Variants in KLHL14 observed in about 807,000 individuals in gnomAD.
KLHL14 encodes the protein kelch-like protein 14.
A neutral mutation model predicts 64.3 loss-of-function variants in KLHL14; 22 were observed. That is an observed-to-expected ratio of 0.34 (90% CI 0.24 to 0.49). KLHL14 has a LOEUF of 0.49. Among genes scored for constraint, KLHL14 ranks in the 20% least tolerant of loss-of-function variants. The pLI is 0.99. For synonymous variants in KLHL14, 322 were observed against 333.4 expected, an observed-to-expected ratio of 0.97 and a Z score of 0.37; for missense variants, 661 against 789.0, an observed-to-expected ratio of 0.84 and a Z score of 1.94.
intron 3 of KLHL14, 27 bp from the exon 4 acceptor site, chr18:32,695,579 A>G: frequency 6.9e-7 from 1 of 1,445,272 alleles, no homozygotes; most frequent in Non-Finnish European, 9.6e-7. Context: ...AAAAAAAGAC[A>G]TATGAAATTT....
intron 2 of KLHL14, among the ~76,000 whole-genome samples, chr18:32,755,223 C>T (rs2050275892): frequency 1.3e-5 from 2 of 152,132 alleles, no homozygotes; most frequent in African/African-American, 2.4e-5. Context: ...CCAAGGTCAT[C>T]CCCCACTGGA....
intron 3 of KLHL14, among the ~76,000 whole-genome samples, chr18:32,703,433 T>C (rs1215482918): frequency 6.6e-6 from 1 of 152,164 alleles, no homozygotes; most frequent in Non-Finnish European, 1.5e-5. Flanking sequence ...TTGGTAAGGA[T>C]TCTATGGCTT....
intron 3 of KLHL14, among the ~76,000 whole-genome samples, chr18:32,715,125 T>C (rs566714534): frequency 6.6e-6 from 1 of 152,240 alleles, no homozygotes; most frequent in South Asian, 2.1e-4. Context: ...GCTAATATTG[T>C]TAAAGATAGA....
Position 32,770,002 on chromosome 18 carries a change from C to T in KLHL14, c.590G>A (p.Gly197Asp). The T allele has an allele frequency of 1.2e-6, 2 of 1,614,190 alleles. No individual in the cohort carries two copies. The highest frequency in any genetic ancestry group is 1.7e-6 in the Non-Finnish European group (2 of 1,180,036). The change falls in exon 2 of 9, where the codon GGC becomes GAC. Residue 197 changes from glycine to aspartate, a missense_variant. Coordinates refer to ENST00000359358, the MANE Select transcript of KLHL14 (RefSeq NM_020805.3). The surrounding 1 kb of genome is among the most constrained non-coding windows in gnomAD (Gnocchi z 6.7). ...GGCCAGCTTCTTGGTCTCCTCCAGG[C>T]CGTGCAGCGCGGCGATCTTGCACAC... is the stretch of plus-strand genomic sequence containing the variant. ...KQVCKIAALH[G>D]LEETKKLANK...
chr18:32,696,947 T>C (rs186260953), intron 3 of KLHL14, among the ~76,000 whole-genome samples: 1 of 152,322 alleles, frequency 6.6e-6, no homozygotes, highest in African/African-American at 2.4e-5. Flanking sequence ...CTGACTTATT[T>C]ATTTGTACTG....
chr18:32,722,919 C>T (rs1276707875), intron 3 of KLHL14, among the ~76,000 whole-genome samples: 1 of 152,130 alleles, frequency 6.6e-6, no homozygotes, highest in Admixed American at 6.5e-5. Flanking sequence ...CACACCACTG[C>T]ACTCCAGTTT....
In KLHL14 at chr18:32,769,651, G is replaced by A. The variant is rs1321021516; in HGVS notation, c.941C>T (p.Ala314Val). 1 of 1,514,246 alleles carries A rather than the reference G, an allele frequency of 6.6e-7. No individual in the cohort carries two copies. Among genetic ancestry groups the A allele is most frequent in the African/African-American group, 1.4e-5 (1 of 71,000 alleles). The allele number at this position is 1,514,246 out of a possible 1,614,324, so 93.8% of individuals were successfully genotyped here. ...CCTCTTTGTTGTCTCCTACCTGCTG[G>A]CCAGGCTCTGCCTGCAGTGCTGCCT... ...PFRQHCRQSL[A>V]SRIRSNKKML... Residue 314 changes from alanine (A) to valine (V), a missense_variant, in exon 2 of 9, where the codon GCC becomes GTC. Coordinates refer to ENST00000359358, the MANE Select transcript of KLHL14 (RefSeq NM_020805.3).
At chr18:32,713,816 A>G (rs1568071912) in intron 3 of KLHL14, among the ~76,000 whole-genome samples, 1 of 152,120 alleles carries the variant, frequency 6.6e-6, no homozygotes, top group Non-Finnish European at 1.5e-5. Flanking sequence ...CTAATTGTAA[A>G]ACACTTAATT....
At chr18:32,705,369 A>C (rs752567940) in intron 3 of KLHL14, among the ~76,000 whole-genome samples, 2 of 152,248 alleles carry the variant, frequency 1.3e-5, no homozygotes, top group African/African-American at 2.4e-5. Context: ...ATATGTAGCA[A>C]AACATCACAG....
At chr18:32,741,366 G>A (rs2050196409) in intron 3 of KLHL14, among the ~76,000 whole-genome samples, 1 of 152,134 alleles carries the variant, frequency 6.6e-6, no homozygotes, top group Non-Finnish European at 1.5e-5. Context: ...AAGAATCCTG[G>A]GTAGAAGTTT....
Position 32,770,245 on chromosome 18 carries a change from A to G in KLHL14, c.347T>C (p.Leu116Pro), listed in dbSNP as rs769843065. ...GTTGTTGATGGCCCGGGGGCTGGTC[A>G]GCAGCTTGTCGTCGGGGGAGGAAGA... ...TPSSSPDDKL[L>P]TSPRAINNLV... The change falls in exon 2 of 9, where the codon CTG becomes CCG. Residue 116 changes from leucine (L) to proline (P), a missense_variant. Leu to Pro is a moderately conservative substitution (Grantham distance 98). Coordinates refer to ENST00000359358, the MANE Select transcript of KLHL14 (RefSeq NM_020805.3). This position sits in a 1 kb window ranked among gnomAD's most constrained non-coding sequence, Gnocchi z 6.7. 8.8e-6 allele frequency: 14 copies of G among 1,599,876 alleles called. No homozygotes were observed. The East Asian group carries it at 9.0e-5, about 10-fold the overall frequency.
At chr18:32,713,279 C>T (rs1050106471) in intron 3 of KLHL14, among the ~76,000 whole-genome samples, 1 of 152,180 alleles carries the variant, frequency 6.6e-6, no homozygotes, top group Non-Finnish European at 1.5e-5. Flanking sequence ...CATATAGGCT[C>T]TTCAACTTAC....
chr18:32,685,353 G>GT (rs1357232492), intron 5 of KLHL14, among the ~76,000 whole-genome samples: 1 of 152,166 alleles, frequency 6.6e-6, no homozygotes, highest in African/African-American at 2.4e-5. Context: ...TGACCACGAC[G>GT]TGAGTTATGC....
chr18:32,682,003 T>C (rs1336026168), intron 5 of KLHL14, among the ~76,000 whole-genome samples: 1 of 152,188 alleles, frequency 6.6e-6, no homozygotes, highest in Non-Finnish European at 1.5e-5. Context: ...GGCAAATACA[T>C]ATAAGTGCTT....
Position 32,693,407 on chromosome 18 carries a change from CACACACAG to C in KLHL14, c.1159+2048_1159+2055del, listed in dbSNP as rs1226916070. Among the ~76,000 whole-genome samples, 11 of 119,888 alleles carry C rather than the reference CACACACAG, an allele frequency of 9.2e-5. No individual in the cohort carries two copies. The East Asian group carries it at 1.1e-3, about 12-fold the overall frequency. The allele number at this position is 119,888 out of a possible 152,430, so 78.7% of individuals were successfully genotyped here. ...ACACACACACACACACACACACACACACACACAGAGAGAGAGAGAGAGAGAGAGAGAGA... is the reference window on the plus strand; with the variant it reads ...ACACACACACACACACACACACACACAGAGAGAGAGAGAGAGAGAGAGAGA... On this transcript the variant is annotated intron_variant, in intron 4 of 8. Transcript: ENST00000359358.
chr18:32,758,591 T>C (rs1403301261), intron 2 of KLHL14, among the ~76,000 whole-genome samples: 1 of 152,198 alleles, frequency 6.6e-6, no homozygotes, highest in Non-Finnish European at 1.5e-5. Context: ...CTCATAGGTA[T>C]ATGCATACCC....
Position 32,686,347 on chromosome 18 carries a change from T to C in KLHL14, c.1238+808A>G, listed in dbSNP as rs191410110. Among the ~76,000 whole-genome samples, 12 of 152,200 alleles carry C rather than the reference T, an allele frequency of 7.9e-5. No homozygotes were observed. The East Asian group carries it at 2.3e-3, about 29-fold the overall frequency. ...TTACTGTCTATCACACTGGAGAATTTGCTCAAGAGGATGTCTAGATATTAT... is the reference window on the plus strand; with the variant it reads ...TTACTGTCTATCACACTGGAGAATTCGCTCAAGAGGATGTCTAGATATTAT... On this transcript the variant is annotated intron_variant, in intron 5 of 8. Transcript: ENST00000359358.
At chr18:32,699,205 G>A (rs1004963054) in intron 3 of KLHL14, among the ~76,000 whole-genome samples, 13 of 152,110 alleles carry the variant, frequency 8.5e-5, no homozygotes, top group Middle Eastern at 3.4e-3. Context: ...CAAACTCTCC[G>A]GGAATTCCCT....
chr18:32,722,786 C>T (rs796708188), intron 3 of KLHL14, among the ~76,000 whole-genome samples: 6 of 152,116 alleles, frequency 3.9e-5, no homozygotes, highest in Admixed American at 1.3e-4. Context: ...ATAGTGAGAC[C>T]CTGTCTCACA....
Sources: allele counts gnomAD v4.1 joint callset (sites outside exome capture counted in the v4.1 genomes callset), GRCh38; gene constraint gnomAD v4.1.1; non-coding constraint Gnocchi (gnomAD v3.1); transcripts MANE v1.5; gene names NCBI Gene and HGNC (gene_info 2026-07-23, HGNC 2026-07-21).